Variants in FGF12 observed in about 807,000 individuals in gnomAD.
FGF12 encodes fibroblast growth factor 12B.
Under a neutral mutation model 23.6 loss-of-function variants are expected in FGF12, and 14 were observed. That is an observed-to-expected ratio of 0.59 (90% CI 0.39 to 0.93). The LOEUF (loss-of-function observed/expected upper bound fraction) is 0.93, where lower values mean the gene tolerates loss of function less well. Among genes scored for constraint, FGF12 ranks in the 40% least tolerant of loss-of-function variants. The pLI, the probability that FGF12 is intolerant of heterozygous loss-of-function variation, is 0.00. For missense variants in FGF12, 175 were observed against 217.8 expected, an observed-to-expected ratio of 0.80 and a Z score of 1.24; for synonymous variants, 62 against 77.3, an observed-to-expected ratio of 0.80 and a Z score of 1.04.
At chr3:192,489,080 C>A (rs1308763312) in intron 2 of FGF12, among the ~76,000 whole-genome samples, 1 of 152,022 alleles carries the variant, frequency 6.6e-6, no homozygotes, top group African/African-American at 2.4e-5. Flanking sequence ...GCTCTGGTTT[C>A]ACTTTATTCT....
At chr3:192,366,178 GAA>G (rs1341997158) in intron 2 of FGF12, among the ~76,000 whole-genome samples, 2 of 152,044 alleles carry the variant, frequency 1.3e-5, no homozygotes, top group Admixed American at 6.6e-5. Context: ...CAAGAAGGGA[GAA>G]GAGAGGAGAG....
chr3:192,446,136 A>C (rs1722347003), intron 2 of FGF12, among the ~76,000 whole-genome samples: 1 of 152,228 alleles, frequency 6.6e-6, no homozygotes, highest in Non-Finnish European at 1.5e-5. Context: ...TGAAGTTGCA[A>C]GTTTATCTAC....
chr3:192,172,221 T>G (rs1400226725), intron 4 of FGF12, among the ~76,000 whole-genome samples: 1 of 151,204 alleles, frequency 6.6e-6, no homozygotes, highest in African/African-American at 2.4e-5. Context: ...AAACCCCGTC[T>G]CTACTAAAAA....
intron 5 of FGF12, among the ~76,000 whole-genome samples, chr3:192,145,558 T>A (rs1713648113): frequency 6.6e-6 from 1 of 152,182 alleles, no homozygotes; most frequent in East Asian, 1.9e-4. Flanking sequence ...TCTCAGGTGA[T>A]GTTGATGCTG....
chr3:192,457,013 T>C (rs1054309059), intron 2 of FGF12, among the ~76,000 whole-genome samples: 7 of 152,154 alleles, frequency 4.6e-5, no homozygotes, highest in African/African-American at 1.7e-4. Flanking sequence ...ACTGTTCCCG[T>C]GGTAGGGAAT....
At chr3:192,301,864 G>A (rs1715366761) in intron 4 of FGF12, among the ~76,000 whole-genome samples, 1 of 152,108 alleles carries the variant, frequency 6.6e-6, no homozygotes, top group African/African-American at 2.4e-5. Context: ...AAACAAGGAG[G>A]AGGAGGCAAA....
At chr3:192,579,105 G>GT (rs931630070) in intron 2 of FGF12, among the ~76,000 whole-genome samples, 2 of 151,942 alleles carry the variant, frequency 1.3e-5, no homozygotes, top group Admixed American at 1.3e-4. Flanking sequence ...CATCATTAAG[G>GT]TTTTTCTGAA....
intron 3 of FGF12, among the ~76,000 whole-genome samples, chr3:192,353,316 A>G (rs1471079638): frequency 7.8e-6 from 1 of 128,202 alleles, no homozygotes; most frequent in African/African-American, 3.9e-5. Flanking sequence ...ATATCATTTC[A>G]AATGACTCGT....
chr3:192,528,805 T>A (rs973924233), intron 2 of FGF12, among the ~76,000 whole-genome samples: 4 of 152,148 alleles, frequency 2.6e-5, no homozygotes, highest in African/African-American at 9.7e-5. Flanking sequence ...TTGCACCCTC[T>A]GAAGTCATGG....
intron 4 of FGF12, among the ~76,000 whole-genome samples, chr3:192,283,578 G>A (rs1417255787): frequency 6.6e-6 from 1 of 152,018 alleles, no homozygotes; most frequent in Non-Finnish European, 1.5e-5. Flanking sequence ...TATCACTCCT[G>A]GTTGGGAGAG....
In FGF12 at chr3:192,624,196, T is replaced by TA. The variant is rs1031962616; in HGVS notation, c.13+102984dup. Among the ~76,000 whole-genome samples, 552 of 144,490 alleles carry TA rather than the reference T, an allele frequency of 3.8e-3. 3 individuals are homozygous for TA. The highest frequency in any genetic ancestry group is 0.012 in the African/African-American group (493 of 39,598). 94.8% of individuals were successfully genotyped at this position (144,490 alleles called of 152,430 possible). A position where few individuals can be genotyped will look rare whatever the true frequency, so the allele number is the denominator to read the frequency against. On this transcript the variant is annotated intron_variant, in intron 2 of 5. Transcript: ENST00000445105. ...AGCAAATGCGGAACAATCTCTTAGA[T>TA]AAAAAAAAAAATCCCACATGAAACT...
At chr3:192,284,076 T>C (rs1714305460) in intron 4 of FGF12, among the ~76,000 whole-genome samples, 1 of 152,050 alleles carries the variant, frequency 6.6e-6, no homozygotes, top group African/African-American at 2.4e-5. Context: ...AACACTGAAT[T>C]CTGCATTGCA....
chr3:192,286,489 T>A (rs1714455576), intron 4 of FGF12, among the ~76,000 whole-genome samples: 1 of 152,024 alleles, frequency 6.6e-6, no homozygotes, highest in Non-Finnish European at 1.5e-5. Context: ...TCTGACTGAA[T>A]TGATTGATTT....
chr3:192,290,791 A>C (rs1244315655), intron 4 of FGF12, among the ~76,000 whole-genome samples: 1 of 152,196 alleles, frequency 6.6e-6, no homozygotes. Flanking sequence ...AAACACAAAA[A>C]TATCCCAATA....
At chr3:192,624,746 T>G (rs2108650638) in intron 2 of FGF12, among the ~76,000 whole-genome samples, 1 of 152,260 alleles carries the variant, frequency 6.6e-6, no homozygotes, top group South Asian at 2.1e-4. Context: ...ATACAATGAT[T>G]GTAAAATTAA....
In FGF12 at chr3:192,576,594, TTAAA is replaced by T. The variant is rs1212427006; in HGVS notation, c.13+150583_13+150586del. 9.2e-5 allele frequency among the ~76,000 whole-genome samples: 14 copies of T among 152,286 alleles called. No individual in the cohort carries two copies. The East Asian group carries it at 2.3e-3, about 25-fold the overall frequency. ...GCCTCTCCTTATACTAAGAGAATGA[TTAAA>T]TAAATGATAATTAAATCCATCAGAT... On this transcript the variant is annotated intron_variant, in intron 2 of 5. Transcript: ENST00000445105.
intron 2 of FGF12, among the ~76,000 whole-genome samples, chr3:192,454,320 G>C (rs572502585): frequency 1.3e-5 from 2 of 152,250 alleles, no homozygotes; most frequent in Non-Finnish European, 2.9e-5. Flanking sequence ...TTTCAGGCAT[G>C]AGCCACTGCG....
chr3:192,426,449 C>A (rs892261775), intron 2 of FGF12, among the ~76,000 whole-genome samples: 10 of 152,140 alleles, frequency 6.6e-5, no homozygotes, highest in Non-Finnish European at 1.2e-4. Flanking sequence ...AAAAATGAGG[C>A]AGGAAGCTAC....
chr3:192,310,445 T>C (rs1715874619), intron 4 of FGF12, among the ~76,000 whole-genome samples: 1 of 152,192 alleles, frequency 6.6e-6, no homozygotes, highest in Non-Finnish European at 1.5e-5. Flanking sequence ...AAAATATTTA[T>C]ACTTAAAACT....
Sources: gnomAD v4.1 joint callset for allele counts (sites outside exome capture counted in the v4.1 genomes callset) on GRCh38, gnomAD v4.1.1 for gene constraint, MANE v1.5 for transcripts, NCBI Gene and HGNC (gene_info 2026-07-23, HGNC 2026-07-21) for gene names.